The following DYNC1LI2 variants were observed in gnomAD, a reference collection of about 807,000 sequenced individuals.
The protein encoded by DYNC1LI2 is dynein cytoplasmic 1 light intermediate chain 2.
A neutral mutation model predicts 57.8 loss-of-function variants in DYNC1LI2; 19 were observed. The ratio of observed to expected loss-of-function variants is 0.33; its 90% CI spans 0.23 to 0.48. The LOEUF is 0.48. DYNC1LI2 is among the 20% of genes least tolerant of loss of function. The pLI, the probability that DYNC1LI2 is intolerant of heterozygous loss-of-function variation, is 0.99. For missense variants in DYNC1LI2, 470 were observed against 604.2 expected (o/e 0.78, Z 2.33); for synonymous variants, 256 against 233.4 (o/e 1.10, Z -0.88).
At chr16:66,738,902 C>T (rs868039106) in intron 4 of DYNC1LI2, 1 of 146,748 alleles carries the variant, frequency 6.8e-6, no homozygotes, top group African/African-American at 2.6e-5. Flanking sequence ...CACACACACA[C>T]ACACACACAC....
At chr16:66,727,864 G>A in intron 10 of DYNC1LI2, 59 bp from the exon 11 acceptor site, 2 of 1,401,708 alleles carry the variant, frequency 1.4e-6, no homozygotes, top group Non-Finnish European at 2.0e-6. Context: ...AAATACATAT[G>A]CCACAAATGG....
In DYNC1LI2 at chr16:66,722,375, G is replaced by A. The variant is rs545419064; in HGVS notation, c.*1347C>T. On this transcript the variant is annotated 3_prime_UTR_variant, in exon 13 of 13. Transcript: ENST00000258198. The stretch of plus-strand genomic sequence containing the variant: ...CAACATTTTATACATTAAATTCATG[G>A]TAGTGTTTGCATTTAAATGCTGTCA... The A allele has an allele frequency of 6.6e-6, 1 of 152,556 alleles. No individual in the cohort carries two copies. The highest frequency in any genetic ancestry group is 2.4e-5 in the African/African-American group (1 of 41,410). 9.5% of individuals were successfully genotyped at this position (152,556 alleles called of 1,614,324 possible).
At chr16:66,735,779 T>C (rs1208337171) in intron 5 of DYNC1LI2, among the ~76,000 whole-genome samples, 1 of 152,168 alleles carries the variant, frequency 6.6e-6, no homozygotes, top group African/African-American at 2.4e-5. Flanking sequence ...GTGCTGAGAT[T>C]ACAGGCGTGA....
intron 4 of DYNC1LI2, 132 bp from the exon 5 acceptor site, chr16:66,736,376 C>T: frequency 9.5e-7 from 1 of 1,054,090 alleles, no homozygotes; most frequent in South Asian, 1.7e-5. Flanking sequence ...TTAGTCACAT[C>T]CAACTGCAAA....
intron 6 of DYNC1LI2, 75 bp from the exon 7 acceptor site, chr16:66,732,549 T>C: frequency 6.8e-7 from 1 of 1,479,490 alleles, no homozygotes; most frequent in Non-Finnish European, 9.0e-7. Flanking sequence ...CTCAAAGTAC[T>C]ACTCATAGGT....
At position 66,727,789 on chromosome 16, in the gene DYNC1LI2, C is replaced by T; in HGVS notation, c.1160G>A (p.Gly387Glu). 6.2e-7 allele frequency: 1 copy of T among 1,612,804 alleles called. No homozygotes were observed. The highest frequency in any genetic ancestry group is 1.1e-5 in the South Asian group (1 of 90,966). ...CTGGGTCCTTGGAGAGCCAGAGGGTCCTCTTGCAGGAGATTCCTAAGTCCA... is the reference window on the plus strand; with the variant it reads ...CTGGGTCCTTGGAGAGCCAGAGGGTTCTCTTGCAGGAGATTCCTAAGTCCA... ...PTRASESPAR[G>E]PSGSPRTQGR... Residue 387 changes from glycine to glutamate, a missense_variant, in exon 11 of 13, where the codon GGA becomes GAA. By Grantham distance (98) the Gly-to-Glu change is moderately conservative. Transcript: ENST00000258198.
At position 66,751,438 on chromosome 16, in the gene DYNC1LI2, CAGA is replaced by C. The variant is rs1175596103; in HGVS notation, c.107+44_107+46del. The stretch of plus-strand genomic sequence containing the variant: ...CCTCAGTGTGTCCGACGGTCCGGCC[CAGA>C]GGCCGCGCCCCCCACGGCCCGGCCC... On this transcript the variant is annotated intron_variant, in intron 1 of 12. Coordinates refer to ENST00000258198, the MANE Select transcript of DYNC1LI2 (RefSeq NM_006141.3). This position sits in a 1 kb window ranked among gnomAD's most constrained non-coding sequence, Gnocchi z 5.2. 5 of 1,580,602 alleles carry C rather than the reference CAGA, an allele frequency of 3.2e-6. No homozygotes were observed. In the African/African-American group the frequency reaches 7.1e-5, roughly 22 times the overall value.
In DYNC1LI2 at chr16:66,751,450, C is replaced by A. The variant is rs1448142497; in HGVS notation, c.107+35G>T. The A allele has an allele frequency of 1.3e-6, 2 of 1,578,862 alleles. No individual in the cohort carries two copies. The highest frequency in any genetic ancestry group is 1.7e-6 in the Non-Finnish European group (2 of 1,166,684). ...CGACGGTCCGGCCCAGAGGCCGCGCCCCCCACGGCCCGGCCCGACCGCCCG... is the reference window on the plus strand; with the variant it reads ...CGACGGTCCGGCCCAGAGGCCGCGCACCCCACGGCCCGGCCCGACCGCCCG... On this transcript the variant is annotated intron_variant, in intron 1 of 12. Transcript: ENST00000258198. The surrounding 1 kb of genome is among the most constrained non-coding windows in gnomAD (Gnocchi z 5.2).
chr16:66,739,378 A>C (rs1449954335), intron 4 of DYNC1LI2: 1 of 152,242 alleles, frequency 6.6e-6, no homozygotes, highest in Non-Finnish European at 1.5e-5. Flanking sequence ...TAAAGGAATG[A>C]CTTAATTGTG....
intron 5 of DYNC1LI2, among the ~76,000 whole-genome samples, chr16:66,734,840 A>G (rs2017702110): frequency 6.6e-6 from 1 of 151,500 alleles, no homozygotes; most frequent in African/African-American, 2.4e-5. Context: ...TCTAATAAAA[A>G]TACAAAATTA....
At chr16:66,732,117 T>C in intron 7 of DYNC1LI2, 1 of 511,116 alleles carries the variant, frequency 2.0e-6, no homozygotes, top group Non-Finnish European at 3.3e-6. Context: ...GCTTAGGTTT[T>C]GGCAACTTGC....
At position 66,723,594 on chromosome 16, in the gene DYNC1LI2, T is replaced by C. The variant is rs998543818; in HGVS notation, c.*128A>G. The C allele has an allele frequency of 4.9e-5, 38 of 776,548 alleles. No homozygotes were observed. The highest frequency in any genetic ancestry group is 8.8e-5 in the African/African-American group (5 of 56,638). 48.1% of individuals were successfully genotyped at this position (776,548 alleles called of 1,614,324 possible). ...GGACAAGCCAATGAAGTTTTTTTTT[T>C]TTTTTTAAAGTTCATCTCCCCTGCC... On this transcript the variant is annotated 3_prime_UTR_variant, in exon 13 of 13. Transcript: ENST00000258198.
rs766756927 is a variant in DYNC1LI2 at position 66,749,203 on chromosome 16, G to C, written c.292C>G (p.Arg98Gly). ...GGACCAATGCTTCACTCACCATCTC[G>C]GTCCTCATCATGGACACTGAGGTAG... ...YLYLSVHDED[R>G]DDHTRCNVWI... Residue 98 changes from arginine to glycine, a missense_variant, in exon 3 of 13, where the codon CGA becomes GGA. Transcript: ENST00000258198. 1.2e-6 allele frequency: 2 copies of C among 1,613,992 alleles called. No individual in the cohort carries two copies. The highest frequency in any genetic ancestry group is 1.1e-5 in the South Asian group (1 of 91,074).
rs754836036 is a variant in DYNC1LI2, at chr16:66,732,374, T to C, written c.894A>G (p.Thr298=). The C allele has an allele frequency of 3.1e-6, 5 of 1,613,948 alleles. No individual in the cohort carries two copies. The Admixed American group carries it at 8.3e-5, about 27-fold the overall frequency. The change falls in exon 7 of 13, where the codon ACA becomes ACG. Residue 298 remains threonine, a synonymous_variant. Transcript: ENST00000258198. ...CATCCTTTTCCACAACTAAGGCAGG[T>C]GTGGTGAAGTGGAAACCGTATGTTT... The part of the protein sequence containing the change: ...VHKTYGFHFT[T]PALVVEKDAV...
chr16:66,750,703 A>ACTTG (rs2018028522), intron 2 of DYNC1LI2, among the ~76,000 whole-genome samples: 1 of 152,094 alleles, frequency 6.6e-6, no homozygotes, highest in African/African-American at 2.4e-5. Flanking sequence ...CAACAAATGG[A>ACTTG]CTTGCTGTGT....
intron 12 of DYNC1LI2, among the ~76,000 whole-genome samples, chr16:66,725,374 G>A (rs559004881): frequency 1.3e-5 from 2 of 151,900 alleles, no homozygotes; most frequent in East Asian, 1.9e-4. Context: ...CCAGCTACTC[G>A]GGAGGCTGAG....
Position 66,751,053 on chromosome 16 carries a change from G to A in DYNC1LI2, c.181+220C>T, listed in dbSNP as rs1173204923. Among the ~76,000 whole-genome samples the A allele has an allele frequency of 6.6e-6, 1 of 152,128 alleles. No individual in the cohort carries two copies. Among genetic ancestry groups the A allele is most frequent in the Non-Finnish European group, 1.5e-5 (1 of 68,022 alleles). On this transcript the variant is annotated intron_variant, in intron 2 of 12. Coordinates refer to ENST00000258198, the MANE Select transcript of DYNC1LI2 (RefSeq NM_006141.3). The surrounding 1 kb of genome is among the most constrained non-coding windows in gnomAD (Gnocchi z 5.2). ...GGCCAAGTGACTGAAACAATATGCC[G>A]ACAACCCCAAAGCACCACTACGCTC...
intron 4 of DYNC1LI2, among the ~76,000 whole-genome samples, chr16:66,740,970 A>G (rs1315186394): frequency 3.9e-5 from 6 of 152,208 alleles, no homozygotes; most frequent in East Asian, 3.8e-4. Flanking sequence ...AACAGCCATC[A>G]ATGACTAAAT....
chr16:66,730,378 T>C lies in DYNC1LI2; in HGVS notation c.930-155A>G, dbSNP rs377044527. 3.6e-4 allele frequency: 222 copies of C among 614,410 alleles called. 3 individuals are homozygous for C. In the South Asian group the frequency reaches 4.2e-3, roughly 12 times the overall value. The allele number at this position is 614,410 out of a possible 1,614,324, so 38.1% of individuals were successfully genotyped here. On this transcript the variant is annotated intron_variant, in intron 7 of 12. Transcript: ENST00000258198. ...GTAGCTTTTGGCAGATGTGCCAAAA[T>C]ACACTGTGGGTATAATCCATCAGAA...
Sources: gnomAD v4.1 joint callset for allele counts (sites outside exome capture counted in the v4.1 genomes callset) on GRCh38, gnomAD v4.1.1 for gene constraint, Gnocchi (gnomAD v3.1) non-coding constraint, MANE v1.5 for transcripts, NCBI Gene and HGNC (gene_info 2026-07-23, HGNC 2026-07-21) for gene names.